The following FIP1L1 variants were observed in gnomAD, a reference collection of about 807,000 sequenced individuals.
The protein encoded by FIP1L1 is factor interacting with PAPOLA and CPSF1.
FIP1L1 carries 21 observed loss-of-function variants against 84.6 expected under a neutral mutation model. That is an observed-to-expected ratio of 0.25 (90% CI 0.18 to 0.36). The LOEUF is 0.36. FIP1L1 is among the 10% of genes least tolerant of loss of function. The probability of loss-of-function intolerance (pLI) is 1.00; values close to 1 mark genes in which losing one functional copy is unlikely to be tolerated. For synonymous variants in FIP1L1, 263 were observed against 242.3 expected, an observed-to-expected ratio of 1.09 and a Z score of -0.80; for missense variants, 526 against 751.1, an observed-to-expected ratio of 0.70 and a Z score of 3.50.
intron 13 of FIP1L1, among the ~76,000 whole-genome samples, chr4:53,435,185 A>G (rs761605456): frequency 3.3e-5 from 5 of 152,230 alleles, no homozygotes; most frequent in African/African-American, 7.2e-5. Flanking sequence ...ACAGAGAGCA[A>G]TGCTAATTAT....
At chr4:53,385,038 T>A (rs1469095335) in intron 5 of FIP1L1, among the ~76,000 whole-genome samples, 1 of 152,152 alleles carries the variant, frequency 6.6e-6, no homozygotes, top group Non-Finnish European at 1.5e-5. Flanking sequence ...AATTTTAAAA[T>A]CCTAGCACCT....
chr4:53,442,297 C>T, intron 13 of FIP1L1: 1 of 172,008 alleles, frequency 5.8e-6, no homozygotes, highest in Middle Eastern at 2.7e-3. Context: ...ATCTGCTTTC[C>T]TTCTAAAATA....
chr4:53,459,092 A>G (rs188293045), intron 17 of FIP1L1, among the ~76,000 whole-genome samples: 1 of 152,238 alleles, frequency 6.6e-6, no homozygotes, highest in Admixed American at 6.5e-5. Flanking sequence ...ATCTGAGATA[A>G]TATCAGTGAA....
In FIP1L1 at chr4:53,452,937, C is replaced by G. The variant is rs1241610806; in HGVS notation, c.1303C>G (p.Pro435Ala). The change falls in exon 16 of 18, where the codon CCT becomes GCT. Residue 435 changes from proline (P) to alanine (A), a missense_variant. Physicochemically the swap from Pro to Ala is conservative, Grantham distance 27. This residue lies in a region of FIP1L1 where 83 missense variants were observed against 93.8 expected (regional missense o/e 0.88). Transcript: ENST00000337488. ...TTCTTTAGTTGCCTTTCCCCATCTTCCTGGTTCTGCTCCTTCGTGGCCTAG... is the reference window on the plus strand; with the variant it reads ...TTCTTTAGTTGCCTTTCCCCATCTTGCTGGTTCTGCTCCTTCGTGGCCTAG... Reference protein sequence around the residue: ...PYGNVAFPHLPGSAPSWPSLV... With the variant: ...PYGNVAFPHLAGSAPSWPSLV... 3 of 1,612,536 alleles carry G rather than the reference C, an allele frequency of 1.9e-6. No homozygotes were observed. Among genetic ancestry groups the G allele is most frequent in the Non-Finnish European group, 2.5e-6 (3 of 1,179,938 alleles).
At chr4:53,406,019 G>T (rs1265641566) in intron 10 of FIP1L1, among the ~76,000 whole-genome samples, 1 of 151,694 alleles carries the variant, frequency 6.6e-6, no homozygotes, top group Admixed American at 6.6e-5. Flanking sequence ...CTGCCTAATT[G>T]CCCTGGCCAG....
intron 16 of FIP1L1, chr4:53,458,431 A>T (rs1482365341): frequency 4.5e-5 from 15 of 336,422 alleles, no homozygotes; most frequent in Non-Finnish European, 7.5e-5. Context: ...GTCATTTAAC[A>T]TGTGTAATTA....
chr4:53,431,949 AAC>A (rs1356215140), intron 13 of FIP1L1, among the ~76,000 whole-genome samples: 2 of 152,148 alleles, frequency 1.3e-5, no homozygotes, highest in Admixed American at 6.5e-5. Context: ...CTTTGCTAGT[AAC>A]ACAGAGAGGA....
chr4:53,378,961 A>G (rs1163157858), intron 1 of FIP1L1, 112 bp from the exon 2 acceptor site: 4 of 1,019,002 alleles, frequency 3.9e-6, no homozygotes, highest in Admixed American at 4.6e-5. Context: ...AATCTTCATT[A>G]CCTCTTAAAT....
intron 10 of FIP1L1, among the ~76,000 whole-genome samples, chr4:53,410,579 T>C (rs1401326696): frequency 6.6e-6 from 1 of 152,200 alleles, no homozygotes; most frequent in Non-Finnish European, 1.5e-5. Flanking sequence ...GAATTTGCTT[T>C]TTGTCTAACA....
At position 53,391,415 on chromosome 4, in the gene FIP1L1, T is replaced by C. The variant is rs1410919033; in HGVS notation, c.637-15T>C. ...TTATGTGGTATCTTAATGGGGAATA[T>C]GTTATTTAACTTAGGCCGAAGACTG... is the stretch of plus-strand genomic sequence containing the variant. On this transcript the variant is annotated splice_polypyrimidine_tract_variant and intron_variant, in intron 8 of 17. Coordinates refer to ENST00000337488, the MANE Select transcript of FIP1L1 (RefSeq NM_030917.4). 5.0e-6 allele frequency: 8 copies of C among 1,605,442 alleles called. No individual in the cohort carries two copies. The highest frequency in any genetic ancestry group is 6.8e-6 in the Non-Finnish European group (8 of 1,172,328).
At chr4:53,381,332 G>A (rs1050424601) in intron 3 of FIP1L1, among the ~76,000 whole-genome samples, 10 of 152,186 alleles carry the variant, frequency 6.6e-5, no homozygotes, top group Admixed American at 6.5e-4. Flanking sequence ...CTGGCTCATT[G>A]CTGAAGCCTC....
At chr4:53,393,906 T>C (rs1361496387) in intron 9 of FIP1L1, among the ~76,000 whole-genome samples, 3 of 152,056 alleles carry the variant, frequency 2.0e-5, no homozygotes, top group Non-Finnish European at 2.9e-5. Flanking sequence ...CCTTCACTTA[T>C]GGAACACTTT....
intron 9 of FIP1L1, among the ~76,000 whole-genome samples, chr4:53,399,041 C>G (rs1748892996): frequency 6.6e-6 from 1 of 152,094 alleles, no homozygotes; most frequent in Admixed American, 6.5e-5. Flanking sequence ...ATCCCAGCTA[C>G]TCGGGGGGCT....
chr4:53,419,419 A>G (rs1248086621), intron 11 of FIP1L1, among the ~76,000 whole-genome samples: 1 of 152,116 alleles, frequency 6.6e-6, no homozygotes, highest in African/African-American at 2.4e-5. Context: ...CATCTGTGAA[A>G]ATGAAACTAA....
intron 9 of FIP1L1, among the ~76,000 whole-genome samples, chr4:53,392,500 A>G (rs1009152559): frequency 6.6e-6 from 1 of 152,168 alleles, no homozygotes; most frequent in Non-Finnish European, 1.5e-5. Flanking sequence ...GTATGTGATG[A>G]TGTCTGTTGT....
chr4:53,431,796 G>A (rs552877353), intron 13 of FIP1L1, among the ~76,000 whole-genome samples: 1 of 152,288 alleles, frequency 6.6e-6, no homozygotes, highest in East Asian at 1.9e-4. Flanking sequence ...TATTGCATAA[G>A]TAGATAAGTT....
intron 16 of FIP1L1, among the ~76,000 whole-genome samples, 186 bp downstream of exon 16, chr4:53,453,319 G>A (rs1275555755): frequency 1.3e-5 from 2 of 152,024 alleles, no homozygotes; most frequent in Non-Finnish European, 2.9e-5. Flanking sequence ...CCTTAAATTT[G>A]TTTGTTTACT....
intron 12 of FIP1L1, 56 bp downstream of exon 12, chr4:53,426,021 T>C (rs1764195925): frequency 8.2e-7 from 1 of 1,213,116 alleles, no homozygotes; most frequent in Non-Finnish European, 1.2e-6. Context: ...ATCAACATTA[T>C]AATTTAATTT....
intron 11 of FIP1L1, among the ~76,000 whole-genome samples, chr4:53,419,591 C>T (rs1310024853): frequency 6.6e-6 from 1 of 152,084 alleles, no homozygotes; most frequent in Admixed American, 6.6e-5. Flanking sequence ...CAGGCATGCC[C>T]ACCATGCTCG....
Sources: gnomAD v4.1 joint callset for allele counts (sites outside exome capture counted in the v4.1 genomes callset) on GRCh38, gnomAD v4.1.1 for gene constraint, gnomAD v4.1.1 regional missense constraint, MANE v1.5 for transcripts, NCBI Gene and HGNC (gene_info 2026-07-23, HGNC 2026-07-21) for gene names.